Variants in RASGRF1 observed in about 807,000 individuals in gnomAD.
The protein encoded by RASGRF1 is ras-specific guanine nucleotide-releasing factor 1.
A neutral mutation model predicts 138.7 loss-of-function variants in RASGRF1; 40 were observed. That is an observed-to-expected ratio of 0.29 (90% CI 0.22 to 0.38). The LOEUF (loss-of-function observed/expected upper bound fraction) is 0.38, where lower values mean the gene tolerates loss of function less well. RASGRF1 is among the 10% of genes least tolerant of loss of function. The probability of loss-of-function intolerance (pLI) is 1.00; values close to 1 mark genes in which losing one functional copy is unlikely to be tolerated. For missense variants in RASGRF1, 1,108 were observed against 1,650.4 expected, an observed-to-expected ratio of 0.67 and a Z score of 5.69; for synonymous variants, 614 against 663.2, an observed-to-expected ratio of 0.93 and a Z score of 1.14.
intron 22 of RASGRF1, among the ~76,000 whole-genome samples, chr15:78,989,656 G>A (rs1032605512): frequency 1.3e-5 from 2 of 152,162 alleles, no homozygotes; most frequent in African/African-American, 4.8e-5. Context: ...CATTGCCAGA[G>A]TAGCTGAAAC....
intron 5 of RASGRF1, among the ~76,000 whole-genome samples, chr15:79,037,739 G>A (rs7162237): frequency 0.045 from 6,799 of 152,054 alleles, 509 homozygotes; most frequent in African/African-American, 0.15. Flanking sequence ...GATTACAGGC[G>A]TGAGCCACCA....
rs2057076761 is a variant in RASGRF1, at chr15:79,027,488, G to A, written c.1381+253C>T. Among the ~76,000 whole-genome samples, 1 of 152,198 alleles carries A rather than the reference G, an allele frequency of 6.6e-6. No individual in the cohort carries two copies. The highest frequency in any genetic ancestry group is 1.5e-5 in the Non-Finnish European group (1 of 68,036). On this transcript the variant is annotated intron_variant, in intron 9 of 26. Coordinates refer to ENST00000558480, the MANE Select transcript of RASGRF1 (RefSeq NM_001145648.3). This position sits in a 1 kb window ranked among gnomAD's most constrained non-coding sequence, Gnocchi z 4.8. ...TACAATAGACAAACCAAGGCCATCT[G>A]GGTAGAATTCTGTTTACATCTGGAG... is the stretch of plus-strand genomic sequence containing the variant.
chr15:79,017,073 C>A (rs1421902862), intron 12 of RASGRF1, among the ~76,000 whole-genome samples: 1 of 152,236 alleles, frequency 6.6e-6, no homozygotes, highest in Non-Finnish European at 1.5e-5. Flanking sequence ...GGGGCCTAAA[C>A]CCCGGTGCTG....
At position 78,995,840 on chromosome 15, in the gene RASGRF1, G is replaced by A. The variant is rs34428440; in HGVS notation, c.2967-40C>T. 136 of 1,606,842 alleles carry A rather than the reference G, an allele frequency of 8.5e-5. 1 individual carries two copies. Among genetic ancestry groups the A allele is most frequent in the Middle Eastern group, 1.7e-4 (1 of 5,874 alleles). On this transcript the variant is annotated intron_variant, in intron 19 of 26. Coordinates refer to ENST00000558480, the MANE Select transcript of RASGRF1 (RefSeq NM_001145648.3). ...GAAGGCACGGTGAGCCCCACTTCAC[G>A]TTGCAGCAGCCCCTCCCCAGCTCGG...
intron 13 of RASGRF1, among the ~76,000 whole-genome samples, chr15:79,014,080 A>T (rs1310068128): frequency 2.0e-5 from 3 of 152,310 alleles, no homozygotes; most frequent in South Asian, 2.1e-4. Flanking sequence ...AAAAATTTTT[A>T]AAAATAGATG....
intron 23 of RASGRF1, chr15:78,981,005 A>C: frequency 3.9e-6 from 1 of 255,900 alleles, no homozygotes; most frequent in Non-Finnish European, 7.4e-6. Context: ...GTTTAGAAGG[A>C]CTTAGTGGGT....
At chr15:79,078,560 C>A (rs1410570491) in intron 1 of RASGRF1, among the ~76,000 whole-genome samples, 1 of 152,180 alleles carries the variant, frequency 6.6e-6, no homozygotes, top group Non-Finnish European at 1.5e-5. Flanking sequence ...CAGCTTCTCC[C>A]ATGCCCCACT....
At chr15:79,079,619 TAGAC>T (rs758460055) in intron 1 of RASGRF1, among the ~76,000 whole-genome samples, 105 of 152,232 alleles carry the variant, frequency 6.9e-4, no homozygotes, top group African/African-American at 1.6e-3. Flanking sequence ...TGCATGCATA[TAGAC>T]AGACAGATGT....
chr15:79,033,818 G>T (rs1282205388), intron 6 of RASGRF1, among the ~76,000 whole-genome samples: 1 of 152,070 alleles, frequency 6.6e-6, no homozygotes, highest in Non-Finnish European at 1.5e-5. Flanking sequence ...TCGAACTCTT[G>T]ACCTCAGGTG....
intron 3 of RASGRF1, among the ~76,000 whole-genome samples, chr15:79,057,813 C>A (rs112212898): frequency 6.6e-6 from 1 of 152,350 alleles, no homozygotes; most frequent in Non-Finnish European, 1.5e-5. Flanking sequence ...GGCAACAATG[C>A]CGCCTCCAGA....
chr15:79,024,040 A>AAAC (rs2057007622), intron 10 of RASGRF1, among the ~76,000 whole-genome samples: 3 of 146,322 alleles, frequency 2.1e-5, no homozygotes, highest in Non-Finnish European at 4.6e-5. Context: ...CACACATACA[A>AAAC]ACACACACAC....
intron 24 of RASGRF1, among the ~76,000 whole-genome samples, chr15:78,979,483 AC>A (rs1357640797): frequency 6.6e-6 from 1 of 152,084 alleles, no homozygotes; most frequent in African/African-American, 2.4e-5. Context: ...GGGAACCGGG[AC>A]CCCAGGGATC....
rs745378687 is a variant in RASGRF1, at chr15:79,049,568, G to A, written c.552C>T (p.Asp184=). ...LKAEITSLLK[D]NERIQSTQTV... is the part of the protein sequence containing the mutation. ...TCTGGGTGGACTGGATGCGCTCATT[G>A]TCCTTGAGCAGGGATGTGATCTGCA... is the stretch of plus-strand genomic sequence containing the variant. Residue 184 remains aspartate, a synonymous_variant, in exon 4 of 27, where the codon GAC becomes GAT. Coordinates refer to ENST00000558480, the MANE Select transcript of RASGRF1 (RefSeq NM_001145648.3). The A allele has an allele frequency of 1.2e-6, 2 of 1,613,720 alleles. No homozygotes were observed. The highest frequency in any genetic ancestry group is 1.1e-5 in the South Asian group (1 of 91,014).
In RASGRF1 at chr15:79,032,171, G is replaced by A. The variant is rs528833103; in HGVS notation, c.1104C>T (p.Asp368=). 9 of 1,614,092 alleles carry A rather than the reference G, an allele frequency of 5.6e-6. No individual in the cohort carries two copies. In the Admixed American group the frequency reaches 6.7e-5, roughly 12 times the overall value. Residue 368 remains aspartate, a synonymous_variant, in exon 7 of 27, where the codon GAC becomes GAT. Transcript: ENST00000558480. The surrounding 1 kb of genome is among the most constrained non-coding windows in gnomAD (Gnocchi z 4.5). ...AGGTCTCCAGCGTCCTCTCCTCGCA[G>A]TCAGGCTTGGCCTCGTAGTGCTTCA... The part of the protein sequence containing the change: ...KLLKHYEAKP[D]CEERTLETFL...
chr15:79,081,221 T>C (rs1312510106), intron 1 of RASGRF1, among the ~76,000 whole-genome samples: 1 of 152,228 alleles, frequency 6.6e-6, no homozygotes, highest in Non-Finnish European at 1.5e-5. Context: ...CTGCAGAGTC[T>C]CAGAATCTTG....
At chr15:79,025,012 A>C (rs1434355673) in intron 10 of RASGRF1, among the ~76,000 whole-genome samples, 34 of 150,666 alleles carry the variant, frequency 2.3e-4, no homozygotes, top group Non-Finnish European at 4.4e-5. Flanking sequence ...ACATGCACAC[A>C]CACATGCCTT....
chr15:79,042,624 G>C (rs1200453630), intron 5 of RASGRF1, among the ~76,000 whole-genome samples: 1 of 152,190 alleles, frequency 6.6e-6, no homozygotes, highest in Admixed American at 6.5e-5. Context: ...GGGAAGCTGG[G>C]GCCTTACCAT....
At chr15:79,028,016 C>A (rs2057084759) in intron 8 of RASGRF1, among the ~76,000 whole-genome samples, 157 bp from the exon 9 acceptor site, 1 of 152,188 alleles carries the variant, frequency 6.6e-6, no homozygotes, top group Non-Finnish European at 1.5e-5. Flanking sequence ...TGTGCATTTA[C>A]TGAGTGCCTG....
chr15:79,001,549 A>G (rs1008829291), intron 16 of RASGRF1, 113 bp downstream of exon 16: 3 of 1,301,704 alleles, frequency 2.3e-6, no homozygotes, highest in African/African-American at 1.5e-5. Context: ...TACTGCTCTT[A>G]GGAGTCACTC....
Sources: gnomAD v4.1 joint callset for allele counts (sites outside exome capture counted in the v4.1 genomes callset) on GRCh38, gnomAD v4.1.1 for gene constraint, Gnocchi (gnomAD v3.1) non-coding constraint, MANE v1.5 for transcripts, NCBI Gene and HGNC (gene_info 2026-07-23, HGNC 2026-07-21) for gene names.